The following URB1 variants were observed in gnomAD, a reference collection of about 807,000 sequenced individuals.
URB1 encodes the protein URB1 ribosome biogenesis factor.
A neutral mutation model predicts 242.3 loss-of-function variants in URB1; 197 were observed. That is an observed-to-expected ratio of 0.81 (90% CI 0.72 to 0.91). The LOEUF is 0.91. Among genes scored for constraint, URB1 ranks in the 40% least tolerant of loss-of-function variants. The pLI is 0.00. For missense variants in URB1, 2,721 were observed against 2,860.5 expected, an observed-to-expected ratio of 0.95 and a Z score of 1.11; for synonymous variants, 1,153 against 1,201.8, an observed-to-expected ratio of 0.96 and a Z score of 0.84.
chr21:32,355,276 C>T (rs1273808706), intron 16 of URB1, among the ~76,000 whole-genome samples, 173 bp downstream of exon 16: 6 of 152,122 alleles, frequency 3.9e-5, no homozygotes, highest in South Asian at 4.1e-4. Flanking sequence ...GTAATATATA[C>T]GTATTTTACA....
chr21:32,368,489 G>C lies in URB1; in HGVS notation c.1111C>G (p.Leu371Val), dbSNP rs1454385761. 1.3e-6 allele frequency: 2 copies of C among 1,551,752 alleles called. No individual in the cohort carries two copies. Among genetic ancestry groups the C allele is most frequent in the South Asian group, 1.2e-5 (1 of 84,058 alleles). ...VNILKVCPDLLNKYFKEVTFS... is the reference protein window; with the variant it reads ...VNILKVCPDLVNKYFKEVTFS... ...GTTACTTCCTTGAAGTATTTGTTCA[G>C]TAAGTCCGGGCACACTTTGAGGATG... The change falls in exon 9 of 39, where the codon CTG becomes GTG. Residue 371 changes from leucine to valine, a missense_variant. Physicochemically the swap from Leu to Val is conservative, Grantham distance 32 (BLOSUM62 1). Coordinates refer to ENST00000382751, the MANE Select transcript of URB1 (RefSeq NM_014825.3).
At position 32,392,828 on chromosome 21, in the gene URB1, T is replaced by G. The variant is rs2033655274; in HGVS notation, c.83A>C (p.Glu28Ala). ...SAGAAKRARK[E>A]ELTGVRFKAQ... ...CTTGAACCGCACGCCCGTGAGCTCT[T>G]CTTTGCGGGCGCGCTTGGCTGCACC... The change falls in exon 1 of 39, where the codon GAA becomes GCA. Residue 28 changes from glutamate (E) to alanine (A), a missense_variant. Glu to Ala is a moderately radical substitution (Grantham distance 107). Transcript: ENST00000382751. 6.5e-7 allele frequency: 1 copy of G among 1,532,534 alleles called. No individual in the cohort carries two copies. Among genetic ancestry groups the G allele is most frequent in the South Asian group, 1.2e-5 (1 of 83,298 alleles). The allele number at this position is 1,532,534 out of a possible 1,614,324, so 94.9% of individuals were successfully genotyped here. A position where few individuals can be genotyped will look rare whatever the true frequency, so the allele number is the denominator to read the frequency against.
intron 17 of URB1, 93 bp from the exon 18 acceptor site, chr21:32,354,196 A>C: frequency 7.0e-7 from 1 of 1,428,096 alleles, no homozygotes. Flanking sequence ...GAATACGTGC[A>C]AAAAGAAAAA....
chr21:32,373,625 G>A (rs2033428643), intron 7 of URB1, 22 bp downstream of exon 7: 2 of 1,523,812 alleles, frequency 1.3e-6, no homozygotes, highest in Admixed American at 2.3e-5. Context: ...CGAGGTCAAC[G>A]AAAACCAAAA....
At chr21:32,348,569 G>A (rs11910980) in intron 21 of URB1, among the ~76,000 whole-genome samples, 1,756 of 152,238 alleles carry the variant, frequency 0.012, 31 homozygotes, top group African/African-American at 0.04. Context: ...CCTCGCCAAC[G>A]ACACTCCACC....
Position 32,368,402 on chromosome 21 carries a change from C to G in URB1, c.1197+1G>C, listed in dbSNP as rs1452213525. ...GACTTTTAAATATCATGTTTTTTTA[C>G]CTTGTTTAGTAGTTTGATATTATTT... On this transcript the variant is annotated splice_donor_variant, in intron 9 of 38. Coordinates refer to ENST00000382751, the MANE Select transcript of URB1 (RefSeq NM_014825.3). LOFTEE classifies it high-confidence loss of function. 2 of 1,532,964 alleles carry G rather than the reference C, an allele frequency of 1.3e-6. No individual in the cohort carries two copies. The highest frequency in any genetic ancestry group is 1.8e-6 in the Non-Finnish European group (2 of 1,137,948). The allele number at this position is 1,532,964 out of a possible 1,614,324, so 95.0% of individuals were successfully genotyped here.
chr21:32,322,544 C>A lies in URB1; in HGVS notation c.5274G>T (p.Ser1758=), dbSNP rs781711431. 1.3e-6 allele frequency: 2 copies of A among 1,552,086 alleles called. No homozygotes were observed. The highest frequency in any genetic ancestry group is 1.7e-6 in the Non-Finnish European group (2 of 1,147,088). The change falls in exon 33 of 39, where the codon TCG becomes TCT. Residue 1758 remains serine, a synonymous_variant. Transcript: ENST00000382751. ...CTTTGTCCATGTTCAAGTACTCATG[C>A]GACAGCAGGAAGTTGCTGACCTTCA... ...MYLKVSNFLL[S]HEYLNMDKVP...
chr21:32,317,249 T>C (rs1401775788), intron 37 of URB1, among the ~76,000 whole-genome samples, 184 bp from the exon 38 acceptor site: 1 of 152,164 alleles, frequency 6.6e-6, no homozygotes, highest in African/African-American at 2.4e-5. Context: ...ATCACTGTTA[T>C]TATAACCAAC....
intron 31 of URB1, 94 bp downstream of exon 31, chr21:32,325,135 C>G (rs1280190873): frequency 2.1e-6 from 3 of 1,413,110 alleles, no homozygotes; most frequent in Non-Finnish European, 2.8e-6. Context: ...TCCGTGTTCC[C>G]TAGTAAATCC....
chr21:32,392,720 G>C (rs1211121641), intron 1 of URB1, 49 bp downstream of exon 1: 2 of 1,366,292 alleles, frequency 1.5e-6, no homozygotes, highest in Non-Finnish European at 1.9e-6. Context: ...CACGGAGGCC[G>C]CCTCGCCAGC....
chr21:32,327,111 A>T (rs13052755), intron 30 of URB1, among the ~76,000 whole-genome samples: 1 of 152,220 alleles, frequency 6.6e-6, no homozygotes, highest in African/African-American at 2.4e-5. Context: ...CAAAACATAA[A>T]ACATTAAGAA....
At position 32,311,868 on chromosome 21, in the gene URB1, T is replaced by A. The variant is rs1568802858; in HGVS notation, c.*3050A>T. On this transcript the variant is annotated 3_prime_UTR_variant, in exon 39 of 39. Transcript: ENST00000382751. ...GCTACGACAGGAGAGCTCCTCCACC[T>A]TGCCCCTCGGGGGTTTCCAGACCCA... The A allele has an allele frequency of 3.1e-6, 5 of 1,614,094 alleles. No individual in the cohort carries two copies. The highest frequency in any genetic ancestry group is 4.2e-6 in the Non-Finnish European group (5 of 1,180,030).
chr21:32,314,925 T>G lies in URB1; in HGVS notation c.6809A>C (p.Asp2270Ala), dbSNP rs754510391. The G allele has an allele frequency of 8.4e-6, 13 of 1,550,620 alleles. No individual in the cohort carries two copies. The South Asian group carries it at 1.5e-4, about 18-fold the overall frequency. ...GGTGCTGGCCGGCAGGAGTCAAGCA[T>G]CTGAGGCTGCGCTGGCGGCGTCCTT... ...LCKDAASAAS[D>A]A Residue 2270 changes from aspartate (D) to alanine (A), a missense_variant, in exon 39 of 39, where the codon GAT becomes GCT. Asp to Ala is a moderately radical substitution (Grantham distance 126). Coordinates refer to ENST00000382751, the MANE Select transcript of URB1 (RefSeq NM_014825.3).
chr21:32,313,241 G>C lies in URB1; in HGVS notation c.*1677C>G, dbSNP rs1163072966. On this transcript the variant is annotated 3_prime_UTR_variant, in exon 39 of 39. Transcript: ENST00000382751. Reference sequence around the variant, plus strand: ...GCTGCCCCTCCCTGTGCCCCCAGAGGCATGGGGTTCAGGGATATTCCCCAG... The same window carrying C: ...GCTGCCCCTCCCTGTGCCCCCAGAGCCATGGGGTTCAGGGATATTCCCCAG... 1 of 152,288 alleles carries C rather than the reference G, an allele frequency of 6.6e-6. No homozygotes were observed. Among genetic ancestry groups the C allele is most frequent in the Non-Finnish European group, 1.5e-5 (1 of 68,088 alleles). The allele number at this position is 152,288 out of a possible 1,614,324, so 9.4% of individuals were successfully genotyped here. A position where few individuals can be genotyped will look rare whatever the true frequency, so the allele number is the denominator to read the frequency against.
intron 32 of URB1, among the ~76,000 whole-genome samples, chr21:32,322,959 A>G (rs925177423): frequency 6.6e-6 from 1 of 152,198 alleles, no homozygotes; most frequent in African/African-American, 2.4e-5. Context: ...ACCTGCCTCT[A>G]GCTTCTAACT....
intron 5 of URB1, chr21:32,377,077 C>G (rs753999064): frequency 1.5e-4 from 68 of 451,054 alleles, no homozygotes; most frequent in Non-Finnish European, 4.7e-5. Context: ...AAATATTATT[C>G]CCTAACAAAA....
rs1382582486 is a variant in URB1 at position 32,345,530 on chromosome 21, T to C, written c.3914A>G (p.Gln1305Arg). The change falls in exon 23 of 39, where the codon CAG (glutamine) becomes CGG (arginine). Residue 1305 changes from glutamine to arginine, a missense_variant. Gln to Arg is a conservative substitution (Grantham distance 43). Transcript: ENST00000382751. The stretch of plus-strand genomic sequence containing the variant: ...AGTGCTAAGAAGCCTGCTCTGTAGC[T>C]GCCTCCACAGGGTCTTCCTCAAGAC... The part of the protein sequence containing the change: ...IPVLRKTLWR[Q>R]LQSRLLSTDS... 6.5e-7 allele frequency: 1 copy of C among 1,550,198 alleles called. No individual in the cohort carries two copies. The highest frequency in any genetic ancestry group is 2.0e-5 in the Admixed American group (1 of 50,976).
chr21:32,338,108 G>A (rs1184578684), intron 26 of URB1, among the ~76,000 whole-genome samples: 1 of 152,226 alleles, frequency 6.6e-6, no homozygotes, highest in African/African-American at 2.4e-5. Context: ...GTCTGACCCT[G>A]TGGTGATTGC....
Position 32,368,545 on chromosome 21 carries a change from T to A in URB1, c.1055A>T (p.Asp352Val). 2 of 1,551,712 alleles carry A rather than the reference T, an allele frequency of 1.3e-6. No individual in the cohort carries two copies. Among genetic ancestry groups the A allele is most frequent in the Non-Finnish European group, 1.7e-6 (2 of 1,147,000 alleles). ...CACAAGGTCAGCCACCAGATCATCA[T>A]CAGCTGCAGTTTTCAAACCCAGCAA... is the stretch of plus-strand genomic sequence containing the variant. ...HFLLGLKTAA[D>V]DDLVADLVVN... is the part of the protein sequence containing the mutation. Residue 352 changes from aspartate (D) to valine (V), a missense_variant, in exon 9 of 39, where the codon GAT becomes GTT. By Grantham distance (152) the Asp-to-Val change is radical. Coordinates refer to ENST00000382751, the MANE Select transcript of URB1 (RefSeq NM_014825.3).
Sources: gnomAD v4.1 joint callset for allele counts (sites outside exome capture counted in the v4.1 genomes callset) on GRCh38, gnomAD v4.1.1 for gene constraint, MANE v1.5 for transcripts, NCBI Gene and HGNC (gene_info 2026-07-23, HGNC 2026-07-21) for gene names.